Variants in NAGA observed in about 807,000 individuals in gnomAD.
The protein encoded by NAGA is alpha-N-acetylgalactosaminidase.
In NAGA, 42 loss-of-function variants were observed where a neutral mutation model predicts 45.6. The observed-to-expected ratio is 0.92, with a 90% CI of 0.72 to 1.19. The LOEUF (loss-of-function observed/expected upper bound fraction) is 1.19, where lower values mean the gene tolerates loss of function less well. Ranked by LOEUF, NAGA falls within the 50% of genes most tolerant of loss-of-function variation. The pLI is 0.00. For synonymous variants in NAGA, 176 were observed against 203.1 expected (o/e 0.87, Z 1.13); for missense variants, 493 against 544.8 (o/e 0.90, Z 0.95).
At chr22:42,065,972 G>A (rs1352170055) in intron 5 of NAGA, 73 bp from the exon 6 acceptor site, 3 of 1,563,196 alleles carry the variant, frequency 1.9e-6, no homozygotes, top group East Asian at 2.3e-5. Flanking sequence ...CACAGGAGTT[G>A]AGGAGGCTCA....
chr22:42,065,767 CGGCCACT>C lies in NAGA; in HGVS notation c.723_729del (p.Val242AlafsTer20). The C allele has an allele frequency of 6.2e-7, 1 of 1,614,092 alleles. No homozygotes were observed. ...TCAGGGTCATTCCAGTGCCCAGGGCCGGCCACTGGCTGCAGTATGTCCTGGTGCTCCA... is the reference window on the plus strand; with the variant it reads ...TCAGGGTCATTCCAGTGCCCAGGGCCGGCTGCAGTATGTCCTGGTGCTCCA... On this transcript the variant is annotated frameshift_variant, in exon 6 of 9. Coordinates refer to ENST00000396398, the MANE Select transcript of NAGA (RefSeq NM_000262.3). LOFTEE classifies it high-confidence loss of function.
At chr22:42,068,331 A>G in intron 2 of NAGA, 108 bp downstream of exon 2, 1 of 1,556,688 alleles carries the variant, frequency 6.4e-7, no homozygotes, top group Non-Finnish European at 8.8e-7. Flanking sequence ...AGTCTCTGGG[A>G]TGGAGAACTC....
chr22:42,060,662 C>G (rs1222177478), intron 8 of NAGA, among the ~76,000 whole-genome samples: 1 of 152,196 alleles, frequency 6.6e-6, no homozygotes, highest in African/African-American at 2.4e-5. Context: ...CCAGCAAGGG[C>G]TGACCCTTGG....
rs368623870 is a variant in NAGA at position 42,065,786 on chromosome 22, G to A, written c.711C>T (p.Asp237=). 4 of 1,614,170 alleles carry A rather than the reference G, an allele frequency of 2.5e-6. No homozygotes were observed. The highest frequency in any genetic ancestry group is 3.4e-6 in the Non-Finnish European group (4 of 1,180,030). ...SILNWFVEHQ[D]ILQPVAGPGH... is the part of the protein sequence containing the mutation. ...CAGGGCCGGCCACTGGCTGCAGTAT[G>A]TCCTGGTGCTCCACGAACCAATTCA... The change falls in exon 6 of 9, where the codon GAC becomes GAT. Residue 237 remains aspartate (D), a synonymous_variant. Transcript: ENST00000396398.
intron 6 of NAGA, among the ~76,000 whole-genome samples, chr22:42,063,361 C>G (rs1478352487): frequency 3.3e-5 from 5 of 152,032 alleles, no homozygotes; most frequent in Non-Finnish European, 7.4e-5. Context: ...CTCCTGCTGC[C>G]CTCCTCTCCC....
chr22:42,069,326 G>A (rs979005268), intron 1 of NAGA, among the ~76,000 whole-genome samples: 22 of 152,076 alleles, frequency 1.4e-4, no homozygotes, highest in African/African-American at 5.3e-4. Flanking sequence ...CCTTAAAAAT[G>A]TGGACAGGCC....
rs543599529 is a variant in NAGA, at chr22:42,061,521, G to C, written c.958-454C>G. The stretch of plus-strand genomic sequence containing the variant: ...GGATGTGAACTCCCATCCTCCAGAA[G>C]GTTTTCCAGGCCCAGCTCCACCATC... On this transcript the variant is annotated intron_variant, in intron 7 of 8. Coordinates refer to ENST00000396398, the MANE Select transcript of NAGA (RefSeq NM_000262.3). Among the ~76,000 whole-genome samples the C allele has an allele frequency of 1.1e-4, 17 of 152,338 alleles. 1 individual carries two copies. Among genetic ancestry groups the C allele is most frequent in the African/African-American group, 4.1e-4 (17 of 41,580 alleles).
intron 6 of NAGA, 136 bp downstream of exon 6, chr22:42,065,602 C>G: frequency 1.7e-6 from 2 of 1,185,536 alleles, no homozygotes; most frequent in Non-Finnish European, 2.4e-6. Flanking sequence ...CTAAAGCAAC[C>G]AGTTCAGGGA....
In NAGA at chr22:42,067,820, CG is replaced by C; in HGVS notation, c.268del (p.Arg90AlafsTer2). The C allele has an allele frequency of 6.2e-7, 1 of 1,612,354 alleles. No individual in the cohort carries two copies. The highest frequency in any genetic ancestry group is 8.5e-7 in the Non-Finnish European group (1 of 1,179,910). ...CWIGGRDASG[R>X]LMPDPKRFPH... ...GAAGCGCTTGGGATCCGGCATCAGGCGGCCACTGGCATCGCGACCACCGATC... is the reference window on the plus strand; with the variant it reads ...GAAGCGCTTGGGATCCGGCATCAGGCGCCACTGGCATCGCGACCACCGATC... On this transcript the variant is annotated frameshift_variant, in exon 3 of 9. Coordinates refer to ENST00000396398, the MANE Select transcript of NAGA (RefSeq NM_000262.3). LOFTEE classifies it high-confidence loss of function.
intron 7 of NAGA, among the ~76,000 whole-genome samples, 195 bp downstream of exon 7, chr22:42,062,632 C>T (rs538601283): frequency 6.6e-6 from 1 of 152,178 alleles, no homozygotes; most frequent in South Asian, 2.1e-4. Flanking sequence ...CCTGCTCTCA[C>T]CCAGCAAGAG....
At chr22:42,066,589 TG>T in intron 5 of NAGA, 120 bp downstream of exon 5, 1 of 909,564 alleles carries the variant, frequency 1.1e-6, no homozygotes, top group Non-Finnish European at 1.7e-6. Context: ...AATCACCATA[TG>T]GGCACCTGTG....
In NAGA at chr22:42,060,991, G is replaced by T; in HGVS notation, c.1034C>A (p.Thr345Asn). ...GGAGTGGTAGCGATAAGGCATATCGGTCCTGCAGCTGAAGAAGACTAAGGC... is the reference window on the plus strand; with the variant it reads ...GGAGTGGTAGCGATAAGGCATATCGTTCCTGCAGCTGAAGAAGACTAAGGC... ...ASALVFFSCRTDMPYRYHSSL... is the reference protein window; with the variant it reads ...ASALVFFSCRNDMPYRYHSSL... The change falls in exon 8 of 9, where the codon ACC (threonine) becomes AAC (asparagine). Residue 345 changes from threonine to asparagine, a missense_variant. Coordinates refer to ENST00000396398, the MANE Select transcript of NAGA (RefSeq NM_000262.3). The T allele has an allele frequency of 6.2e-7, 1 of 1,614,226 alleles. No individual in the cohort carries two copies. The highest frequency in any genetic ancestry group is 8.5e-7 in the Non-Finnish European group (1 of 1,180,036).
rs188985073 is a variant in NAGA at position 42,062,514 on chromosome 22, T to C, written c.957+313A>G. Among the ~76,000 whole-genome samples the C allele has an allele frequency of 2.0e-3, 298 of 152,304 alleles. 3 individuals are homozygous for C. The highest frequency in any genetic ancestry group is 3.4e-3 in the Middle Eastern group (1 of 294). On this transcript the variant is annotated intron_variant, in intron 7 of 8. Coordinates refer to ENST00000396398, the MANE Select transcript of NAGA (RefSeq NM_000262.3). ...CTGCTCTGGAGGGAAGTCCAAGCTCTCTGCAGGCCATCACGGGTGTATAGA... is the reference window on the plus strand; with the variant it reads ...CTGCTCTGGAGGGAAGTCCAAGCTCCCTGCAGGCCATCACGGGTGTATAGA...
rs1186807254 is a variant in NAGA at position 42,065,796 on chromosome 22, T to C, written c.701A>G (p.Glu234Gly). 1.2e-6 allele frequency: 2 copies of C among 1,614,090 alleles called. No homozygotes were observed. The highest frequency in any genetic ancestry group is 1.7e-6 in the Non-Finnish European group (2 of 1,180,018). The change falls in exon 6 of 9, where the codon GAG becomes GGG. Residue 234 changes from glutamate to glycine, a missense_variant. Transcript: ENST00000396398. The stretch of plus-strand genomic sequence containing the variant: ...CACTGGCTGCAGTATGTCCTGGTGC[T>C]CCACGAACCAATTCAGGATGGAGAG... ...SVLSILNWFV[E>G]HQDILQPVAG... is the part of the protein sequence containing the mutation.
chr22:42,069,784 G>A (rs133373), intron 1 of NAGA, among the ~76,000 whole-genome samples: 61,748 of 152,048 alleles, frequency 0.41, 13,203 homozygotes, highest in Admixed American at 0.51. Context: ...CTGAATGTGC[G>A]TCGCTTTCAC....
In NAGA at chr22:42,065,876, G is replaced by A. The variant is rs1179897984; in HGVS notation, c.621C>T (p.Asp207=). 6.2e-7 allele frequency: 1 copy of A among 1,614,168 alleles called. No homozygotes were observed. The highest frequency in any genetic ancestry group is 1.1e-5 in the South Asian group (1 of 91,080). Residue 207 remains aspartate (D), a synonymous_variant, in exon 6 of 9, where the codon GAC becomes GAT. Coordinates refer to ENST00000396398, the MANE Select transcript of NAGA (RefSeq NM_000262.3). ...CATAGTTACGCCAGAGGTTGCAGAT[G>A]TCCGCCAGCAGACTGTAGTTCACCT... ...PPRVNYSLLA[D]ICNLWRNYDD... is the part of the protein sequence containing the mutation.
chr22:42,067,484 G>T (rs1267829373), intron 3 of NAGA, among the ~76,000 whole-genome samples, 194 bp from the exon 4 acceptor site: 1 of 152,134 alleles, frequency 6.6e-6, no homozygotes, highest in East Asian at 1.9e-4. Context: ...GCTGTTTCTT[G>T]CCCCTAGGCC....
Position 42,067,820 on chromosome 22 carries a change from C to T in NAGA, c.269G>A (p.Arg90His), listed in dbSNP as rs986319777. 5.0e-6 allele frequency: 8 copies of T among 1,612,236 alleles called. No individual in the cohort carries two copies. Among genetic ancestry groups the T allele is most frequent in the South Asian group, 1.1e-5 (1 of 91,062 alleles). Residue 90 changes from arginine to histidine, a missense_variant, in exon 3 of 9, where the codon CGC becomes CAC. Transcript: ENST00000396398. The stretch of plus-strand genomic sequence containing the variant: ...GAAGCGCTTGGGATCCGGCATCAGG[C>T]GGCCACTGGCATCGCGACCACCGAT... ...CWIGGRDASG[R>H]LMPDPKRFPH...
At position 42,070,456 on chromosome 22, in the gene NAGA, C is replaced by T; in HGVS notation, c.-159G>A. Reference sequence around the variant, plus strand: ...CAACCTTAGGCGTGGATCGTACACTCGGTCCCCAAGTTGCCCGCCCCATCC... The same window carrying T: ...CAACCTTAGGCGTGGATCGTACACTTGGTCCCCAAGTTGCCCGCCCCATCC... On this transcript the variant is annotated 5_prime_UTR_variant, in exon 1 of 9. Transcript: ENST00000396398. The T allele has an allele frequency of 1.2e-6, 1 of 809,502 alleles. No homozygotes were observed. Among genetic ancestry groups the T allele is most frequent in the Non-Finnish European group, 2.1e-6 (1 of 466,558 alleles). 50.1% of individuals were successfully genotyped at this position (809,502 alleles called of 1,614,324 possible).
Sources: allele counts gnomAD v4.1 joint callset (sites outside exome capture counted in the v4.1 genomes callset), GRCh38; gene constraint gnomAD v4.1.1; transcripts MANE v1.5; gene names NCBI Gene and HGNC (gene_info 2026-07-23, HGNC 2026-07-21).